The following TRPM3 variants were observed in gnomAD, a reference collection of about 807,000 sequenced individuals.
TRPM3 encodes transient receptor potential cation channel subfamily M member 3.
TRPM3 carries 77 observed loss-of-function variants against 181.2 expected under a neutral mutation model. That is an observed-to-expected ratio of 0.42 (90% CI 0.35 to 0.51). The LOEUF (loss-of-function observed/expected upper bound fraction) is 0.51, where lower values mean the gene tolerates loss of function less well. Ranked by LOEUF, TRPM3 falls within the 20% of genes least tolerant of loss-of-function variation. The pLI, the probability that TRPM3 is intolerant of heterozygous loss-of-function variation, is 0.01. For missense variants in TRPM3, 1,759 were observed against 2,196.7 expected, an observed-to-expected ratio of 0.80 and a Z score of 3.98; for synonymous variants, 745 against 796.4, an observed-to-expected ratio of 0.94 and a Z score of 1.09.
rs1012158591 is a variant in TRPM3, at chr9:70,530,777, A to G, written c.*5176T>C. The G allele has an allele frequency of 1.3e-5, 2 of 152,390 alleles. No homozygotes were observed. The highest frequency in any genetic ancestry group is 3.9e-4 in the East Asian group (2 of 5,188). The allele number at this position is 152,390 out of a possible 1,614,324, so 9.4% of individuals were successfully genotyped here. A position where few individuals can be genotyped will look rare whatever the true frequency, so the allele number is the denominator to read the frequency against. On this transcript the variant is annotated 3_prime_UTR_variant, in exon 26 of 26. Transcript: ENST00000677713. Reference sequence around the variant, plus strand: ...TTGACTCCAATCTGAGAGACAGAATATCCAACTTGTAAAAAGAAGAGAAAG... The same window carrying G: ...TTGACTCCAATCTGAGAGACAGAATGTCCAACTTGTAAAAAGAAGAGAAAG...
intron 7 of TRPM3, among the ~76,000 whole-genome samples, chr9:70,768,496 T>C (rs1335098547): frequency 6.6e-6 from 1 of 152,154 alleles, no homozygotes; most frequent in South Asian, 2.1e-4. Flanking sequence ...AAAAACAGTT[T>C]TTTTTTTCTT....
At chr9:71,252,847 C>CTCTTTTTTTTTTTTTTTTTTT (rs1554854926) in intron 1 of TRPM3, among the ~76,000 whole-genome samples, 3 of 84,760 alleles carry the variant, frequency 3.5e-5, no homozygotes, top group African/African-American at 1.6e-4. Flanking sequence ...AATTTTGTCT[C>CTCTTTTTTTTTTTTTTTTTTT]TTTTTTTTTT....
chr9:71,121,458 ACAGCCACCTCCCCTCTCTCTG>A lies in TRPM3; in HGVS notation c.-125_-105del. On this transcript the variant is annotated 5_prime_UTR_variant, in exon 1 of 26. Transcript: ENST00000677713. ...GCCTGAGCCCCTGAACCTTCTTAAA[ACAGCCACCTCCCCTCTCTCTG>A]CAGCCGTGCTCATGCATACCAAATG... 3 of 1,464,406 alleles carry A rather than the reference ACAGCCACCTCCCCTCTCTCTG, an allele frequency of 2.0e-6. No homozygotes were observed. 90.7% of individuals were successfully genotyped at this position (1,464,406 alleles called of 1,614,324 possible).
chr9:71,248,875 A>AACGTAACG (rs749757206), intron 1 of TRPM3, among the ~76,000 whole-genome samples: 3 of 152,202 alleles, frequency 2.0e-5, no homozygotes, highest in Non-Finnish European at 4.4e-5. Flanking sequence ...TATGGCTCAA[A>AACGTAACG]ACGTAACGAC....
intron 6 of TRPM3, among the ~76,000 whole-genome samples, chr9:70,814,197 A>G (rs2092450776): frequency 6.6e-6 from 1 of 152,316 alleles, no homozygotes; most frequent in South Asian, 2.1e-4. Context: ...TTAGAAGTTC[A>G]GTGGGGTGGA....
chr9:70,648,381 T>C (rs1399051592), intron 9 of TRPM3, among the ~76,000 whole-genome samples: 2 of 151,984 alleles, frequency 1.3e-5, no homozygotes, highest in African/African-American at 4.8e-5. Context: ...GAGGCCGAGA[T>C]GGGAGGATCA....
rs34727893 is a variant in TRPM3, at chr9:70,923,784, A to AACACAC, written c.178-59279_178-59274dup. On this transcript the variant is annotated intron_variant, in intron 1 of 25. Coordinates refer to ENST00000677713, the MANE Select transcript of TRPM3 (RefSeq NM_001366145.2). ...GCCGAGTAATACTGGCAACACAAAT[A>AACACAC]ACACACACACACACACACACTCTCT... 4.1e-3 allele frequency among the ~76,000 whole-genome samples: 548 copies of AACACAC among 133,772 alleles called. 6 individuals are homozygous for AACACAC. The highest frequency in any genetic ancestry group is 0.015 in the African/African-American group (505 of 33,944). The allele number at this position is 133,772 out of a possible 152,430, so 87.8% of individuals were successfully genotyped here.
intron 1 of TRPM3, among the ~76,000 whole-genome samples, chr9:71,146,891 T>G (rs919332568): frequency 6.6e-6 from 1 of 152,196 alleles, no homozygotes; most frequent in Non-Finnish European, 1.5e-5. Context: ...GAATTCCCCT[T>G]TAATTTCCTT....
rs749123989 is a variant in TRPM3 at position 70,629,214 on chromosome 9, C to CGGGGGGCGGG, written c.1633-3698_1633-3697insCCCGCCCCCC. ...AGGATAAATGATTCTGTGACCAGTG[C>CGGGGGGCGGG]CGGGGGGGGGGGGGGCCTGCGTTCT... is the stretch of plus-strand genomic sequence containing the variant. On this transcript the variant is annotated intron_variant, in intron 12 of 25. Coordinates refer to ENST00000677713, the MANE Select transcript of TRPM3 (RefSeq NM_001366145.2). 3.0e-4 allele frequency among the ~76,000 whole-genome samples: 6 copies of CGGGGGGCGGG among 19,694 alleles called. 1 individual carries two copies. Among genetic ancestry groups the CGGGGGGCGGG allele is most frequent in the Middle Eastern group, 0.017 (1 of 60 alleles). The allele number at this position is 19,694 out of a possible 152,430, so 12.9% of individuals were successfully genotyped here. A position where few individuals can be genotyped will look rare whatever the true frequency, so the allele number is the denominator to read the frequency against.
intron 25 of TRPM3, among the ~76,000 whole-genome samples, chr9:70,545,168 TTATAC>T (rs1325347796): frequency 2.0e-5 from 3 of 152,224 alleles, no homozygotes; most frequent in Admixed American, 1.3e-4. Flanking sequence ...TAAAATTTTG[TTATAC>T]TATATTATGC....
chr9:70,780,542 T>C (rs1244135340), intron 7 of TRPM3, among the ~76,000 whole-genome samples: 2 of 151,840 alleles, frequency 1.3e-5, no homozygotes, highest in African/African-American at 2.4e-5. Flanking sequence ...ATTTTTTTTT[T>C]CTCTTAACAT....
chr9:71,201,151 A>G (rs1380882028), intron 1 of TRPM3, among the ~76,000 whole-genome samples: 1 of 151,654 alleles, frequency 6.6e-6, no homozygotes, highest in Non-Finnish European at 1.5e-5. Context: ...TTGGCTGGAT[A>G]TGAAATTCTG....
chr9:70,551,072 A>G (rs1438664350), intron 24 of TRPM3, among the ~76,000 whole-genome samples: 2 of 152,220 alleles, frequency 1.3e-5, no homozygotes, highest in African/African-American at 4.8e-5. Context: ...CTGGCACTTC[A>G]TTTAACTTCT....
At chr9:71,267,637 G>C (rs989590854) in intron 1 of TRPM3, among the ~76,000 whole-genome samples, 1 of 152,176 alleles carries the variant, frequency 6.6e-6, no homozygotes, top group African/African-American at 2.4e-5. Context: ...TAGATGCCAA[G>C]ACATATTCTT....
intron 1 of TRPM3, among the ~76,000 whole-genome samples, chr9:71,338,092 GAA>G (rs386734897): frequency 6.9e-6 from 1 of 144,566 alleles, no homozygotes; most frequent in East Asian, 2.0e-4. Flanking sequence ...AACAACAACA[GAA>G]AAAAAAAAAG....
intron 12 of TRPM3, among the ~76,000 whole-genome samples, chr9:70,627,892 T>C (rs916848742): frequency 6.6e-6 from 1 of 152,032 alleles, no homozygotes; most frequent in Non-Finnish European, 1.5e-5. Flanking sequence ...TCTTTATCCA[T>C]CTAACTGAAT....
At chr9:70,762,322 G>A (rs555703750) in intron 7 of TRPM3, among the ~76,000 whole-genome samples, 180 of 152,316 alleles carry the variant, frequency 1.2e-3, no homozygotes, top group Non-Finnish European at 9.3e-4. Flanking sequence ...CAGTAAGACA[G>A]TATAGTATTA....
In TRPM3 at chr9:70,620,234, G is replaced by A; in HGVS notation, c.1971C>T (p.Leu657=). 1 of 1,614,208 alleles carries A rather than the reference G, an allele frequency of 6.2e-7. No individual in the cohort carries two copies. Among genetic ancestry groups the A allele is most frequent in the Non-Finnish European group, 8.5e-7 (1 of 1,180,040 alleles). ...PFHELMVWAV[L]MKRQKMALFF... The stretch of plus-strand genomic sequence containing the variant: ...ACAGGGCCATCTTCTGCCGCTTCAT[G>A]AGAACAGCCCACACCATGAGCTCAT... The change falls in exon 16 of 26, where the codon CTC becomes CTT. Residue 657 remains leucine, a synonymous_variant. Transcript: ENST00000677713.
At chr9:71,217,239 C>T (rs1164596198) in intron 1 of TRPM3, among the ~76,000 whole-genome samples, 5 of 151,564 alleles carry the variant, frequency 3.3e-5, no homozygotes, top group Admixed American at 6.6e-5. Context: ...CGTGAGCCAC[C>T]GCGCCCGGCC....
Sources: gnomAD v4.1 joint callset for allele counts (sites outside exome capture counted in the v4.1 genomes callset) on GRCh38, gnomAD v4.1.1 for gene constraint, MANE v1.5 for transcripts, NCBI Gene and HGNC (gene_info 2026-07-23, HGNC 2026-07-21) for gene names.